PTPRD: variants seen among roughly 807,000 people sequenced by gnomAD.
PTPRD encodes the protein receptor-type tyrosine-protein phosphatase delta.
Under a neutral mutation model 214.5 loss-of-function variants are expected in PTPRD, and 34 were observed. The observed-to-expected ratio is 0.16, with a 90% CI of 0.12 to 0.21. The LOEUF is 0.21. PTPRD is among the 10% of genes least tolerant of loss of function. The pLI, the probability that PTPRD is intolerant of heterozygous loss-of-function variation, is 1.00. For missense variants in PTPRD, 2,545 were observed against 2,398.7 expected (o/e 1.06, Z -1.27); for synonymous variants, 1,128 against 845.7 (o/e 1.33, Z -5.79).
At chr9:10,500,034 T>C (rs1589517840) in intron 2 of PTPRD, among the ~76,000 whole-genome samples, 1 of 147,574 alleles carries the variant, frequency 6.8e-6, no homozygotes, top group East Asian at 2.1e-4. Flanking sequence ...TATAAGACCA[T>C]GACCTTTTTC....
intron 3 of PTPRD, among the ~76,000 whole-genome samples, chr9:10,155,340 G>C (rs566084788): frequency 6.6e-6 from 1 of 152,118 alleles, no homozygotes; most frequent in South Asian, 2.1e-4. Context: ...AGCTGAAGGA[G>C]CTTTTGGAAC....
chr9:9,125,620 C>A (rs1007790462), intron 10 of PTPRD, among the ~76,000 whole-genome samples: 1 of 152,154 alleles, frequency 6.6e-6, no homozygotes, highest in Non-Finnish European at 1.5e-5. Context: ...AGAAATACTT[C>A]TTGAATAATT....
chr9:9,138,614 C>G (rs1398198023), intron 10 of PTPRD, among the ~76,000 whole-genome samples: 1 of 152,092 alleles, frequency 6.6e-6, no homozygotes, highest in Non-Finnish European at 1.5e-5. Context: ...AAGATGACAT[C>G]TGTGTTTGTG....
At chr9:10,241,000 A>G (rs954035633) in intron 3 of PTPRD, among the ~76,000 whole-genome samples, 1 of 145,124 alleles carries the variant, frequency 6.9e-6, no homozygotes, top group African/African-American at 2.5e-5. Context: ...TGAAAGAAAG[A>G]TATAAATACC....
At chr9:10,447,926 A>G (rs570170308) in intron 2 of PTPRD, among the ~76,000 whole-genome samples, 1 of 152,190 alleles carries the variant, frequency 6.6e-6, no homozygotes, top group South Asian at 2.1e-4. Context: ...TGCTGAGAAT[A>G]TTGAGAATAA....
At chr9:10,140,724 A>G (rs1462697957) in intron 3 of PTPRD, among the ~76,000 whole-genome samples, 1 of 152,168 alleles carries the variant, frequency 6.6e-6, no homozygotes, top group Non-Finnish European at 1.5e-5. Context: ...TAGAAAAAAA[A>G]GGGAATCCTC....
chr9:10,359,026 G>A (rs1335615335), intron 2 of PTPRD, among the ~76,000 whole-genome samples: 1 of 151,646 alleles, frequency 6.6e-6, no homozygotes, highest in Non-Finnish European at 1.5e-5. Context: ...TTTTTTCCTT[G>A]CCTATGTGTG....
At chr9:10,286,038 T>C (rs1482214859) in intron 3 of PTPRD, among the ~76,000 whole-genome samples, 1 of 152,172 alleles carries the variant, frequency 6.6e-6, no homozygotes, top group Non-Finnish European at 1.5e-5. Flanking sequence ...TTAGCATTAA[T>C]AAGGGTATAT....
chr9:9,489,056 C>A (rs1162172919), intron 8 of PTPRD, among the ~76,000 whole-genome samples: 1 of 152,098 alleles, frequency 6.6e-6, no homozygotes, highest in South Asian at 2.1e-4. Context: ...ACATAAAGGG[C>A]CAGCACTCTT....
chr9:9,937,426 T>A (rs200804988), intron 5 of PTPRD, among the ~76,000 whole-genome samples: 36 of 144,694 alleles, frequency 2.5e-4, no homozygotes, highest in Non-Finnish European at 4.1e-4. Flanking sequence ...CATAGATAAA[T>A]AAAAAAAAAA....
At chr9:9,675,534 G>A (rs966687661) in intron 7 of PTPRD, among the ~76,000 whole-genome samples, 2 of 151,798 alleles carry the variant, frequency 1.3e-5, no homozygotes, top group African/African-American at 4.8e-5. Context: ...CAAATACTTA[G>A]TACTGCATTT....
intron 9 of PTPRD, among the ~76,000 whole-genome samples, chr9:9,334,271 A>G (rs1239654356): frequency 6.6e-6 from 1 of 152,000 alleles, no homozygotes; most frequent in African/African-American, 2.4e-5. Flanking sequence ...TGGCTCATAT[A>G]AAATTAGCCA....
intron 4 of PTPRD, among the ~76,000 whole-genome samples, chr9:10,010,494 G>A (rs1025538974): frequency 1.4e-4 from 21 of 151,750 alleles, no homozygotes; most frequent in African/African-American, 4.8e-4. Flanking sequence ...AGGAAAATGA[G>A]GGAGGACTTA....
intron 29 of PTPRD, among the ~76,000 whole-genome samples, chr9:8,484,826 C>G (rs2096963978): frequency 6.6e-6 from 1 of 152,102 alleles, no homozygotes; most frequent in Non-Finnish European, 1.5e-5. Flanking sequence ...GCTAACATCT[C>G]TTAATGGCAA....
intron 12 of PTPRD, among the ~76,000 whole-genome samples, chr9:8,670,053 T>A (rs555084949): frequency 6.6e-6 from 1 of 151,792 alleles, no homozygotes; most frequent in South Asian, 2.1e-4. Flanking sequence ...GTAAGACAAG[T>A]GAGTAAATTA....
chr9:10,075,561 A>C (rs938276985), intron 3 of PTPRD, among the ~76,000 whole-genome samples: 8 of 151,978 alleles, frequency 5.3e-5, no homozygotes, highest in Non-Finnish European at 8.8e-5. Context: ...GATTTTAATC[A>C]GTTTTGTTCA....
chr9:9,840,791 A>C (rs989932640), intron 5 of PTPRD, among the ~76,000 whole-genome samples: 7 of 120,268 alleles, frequency 5.8e-5, no homozygotes, highest in Non-Finnish European at 1.1e-4. Context: ...AAAAAAAAAA[A>C]AAAAAAAACA....
chr9:9,390,108 C>G (rs1278745213), intron 9 of PTPRD, among the ~76,000 whole-genome samples: 1 of 152,124 alleles, frequency 6.6e-6, no homozygotes, highest in African/African-American at 2.4e-5. Flanking sequence ...ACTCCAGGTA[C>G]AGAGAGCAGA....
intron 3 of PTPRD, among the ~76,000 whole-genome samples, chr9:10,081,522 G>C (rs1226433076): frequency 6.6e-6 from 1 of 152,008 alleles, no homozygotes; most frequent in Non-Finnish European, 1.5e-5. Context: ...TTCTCTTGCT[G>C]TCTTTCTACA....
Sources: allele counts gnomAD v4.1 joint callset (sites outside exome capture counted in the v4.1 genomes callset), GRCh38; gene constraint gnomAD v4.1.1; transcripts MANE v1.5; gene names NCBI Gene and HGNC (gene_info 2026-07-23, HGNC 2026-07-21).